ARFGEF3: variants seen among roughly 807,000 people sequenced by gnomAD.
ARFGEF3 encodes brefeldin A-inhibited guanine nucleotide-exchange protein 3.
ARFGEF3 carries 96 observed loss-of-function variants against 221.7 expected under a neutral mutation model. The ratio of observed to expected loss-of-function variants is 0.43; its 90% CI spans 0.37 to 0.51. The LOEUF (loss-of-function observed/expected upper bound fraction) is 0.51, where lower values mean the gene tolerates loss of function less well. ARFGEF3 is among the 20% of genes least tolerant of loss of function. The pLI is 0.00. For missense variants in ARFGEF3, 2,410 were observed against 2,789.9 expected, an observed-to-expected ratio of 0.86 and a Z score of 3.07; for synonymous variants, 1,145 against 1,126.8, an observed-to-expected ratio of 1.02 and a Z score of -0.32.
intron 32 of ARFGEF3, among the ~76,000 whole-genome samples, chr6:138,332,721 ATCACTGAATT>A (rs1463249374): frequency 6.6e-6 from 1 of 152,246 alleles, no homozygotes; most frequent in Non-Finnish European, 1.5e-5. Context: ...TATACTTAAT[ATCACTGAATT>A]GTGTACATCA....
chr6:138,292,439 G>A (rs1779429014), intron 19 of ARFGEF3, among the ~76,000 whole-genome samples: 1 of 152,172 alleles, frequency 6.6e-6, no homozygotes, highest in South Asian at 2.1e-4. Context: ...CTTGGAAAAT[G>A]GTAAAAATCC....
chr6:138,292,140 C>T, intron 19 of ARFGEF3, 87 bp downstream of exon 19: 1 of 1,149,348 alleles, frequency 8.7e-7, no homozygotes, highest in Non-Finnish European at 1.1e-6. Flanking sequence ...CCAGGGACGA[C>T]CCATTTGTTA....
rs370299291 is a variant in ARFGEF3, at chr6:138,263,435, G to A, written c.1952G>A (p.Arg651Gln). Reference sequence around the variant, plus strand: ...ACACCCCGGGACTGCCTAGGCCACCGGTCCCTGCGAACTGCCGCCCTGTCT... The same window carrying A: ...ACACCCCGGGACTGCCTAGGCCACCAGTCCCTGCGAACTGCCGCCCTGTCT... ...EQTPRDCLGH[R>Q]SLRTAALSLK... Residue 651 changes from arginine (R) to glutamine (Q), a missense_variant, in exon 12 of 34, where the codon CGG (arginine) becomes CAG (glutamine). Transcript: ENST00000251691. 9.3e-6 allele frequency: 15 copies of A among 1,613,806 alleles called. No individual in the cohort carries two copies. Among genetic ancestry groups the A allele is most frequent in the African/African-American group, 5.3e-5 (4 of 74,900 alleles).
chr6:138,308,396 G>A (rs964649514), intron 23 of ARFGEF3, among the ~76,000 whole-genome samples: 3 of 152,136 alleles, frequency 2.0e-5, no homozygotes, highest in Admixed American at 6.5e-5. Flanking sequence ...TGCCACCAAA[G>A]GTCTATCTAA....
chr6:138,298,785 G>A lies in ARFGEF3; in HGVS notation c.3828G>A (p.Gln1276=). 1 of 1,610,060 alleles carries A rather than the reference G, an allele frequency of 6.2e-7. No individual in the cohort carries two copies. ...LELCDEDVQD[Q]VVTSIGELVE... is the part of the protein sequence containing the mutation. ...TGTGTGATGAGGACGTCCAAGACCAGGTCAGTGTGACATGGTCATCAGCGT... is the reference window on the plus strand; with the variant it reads ...TGTGTGATGAGGACGTCCAAGACCAAGTCAGTGTGACATGGTCATCAGCGT... The change falls in exon 22 of 34, where the codon CAG becomes CAA. Residue 1276 remains glutamine, a splice_region_variant and synonymous_variant. Transcript: ENST00000251691.
rs895568411 is a variant in ARFGEF3, at chr6:138,319,707, A to C, written c.4479A>C (p.Pro1493=). 5.7e-6 allele frequency: 9 copies of C among 1,584,412 alleles called. No homozygotes were observed. Among genetic ancestry groups the C allele is most frequent in the African/African-American group, 4.1e-5 (3 of 73,192 alleles). Residue 1493 remains proline, a synonymous_variant, in exon 28 of 34, where the codon CCA becomes CCC. Transcript: ENST00000251691. The part of the protein sequence containing the change: ...LLRDVTKTPG[P]GFGIYAVVHL... ...ACGCTGACTTTTCTTTTTCAGGACC[A>C]GGGTTTGGTATCTATGCAGTGGTTC... is the stretch of plus-strand genomic sequence containing the variant.
chr6:138,202,583 C>T (rs2114486347), intron 2 of ARFGEF3, among the ~76,000 whole-genome samples: 1 of 151,572 alleles, frequency 6.6e-6, no homozygotes, highest in South Asian at 2.1e-4. Context: ...AACCATGTTA[C>T]TACTACAGTA....
At chr6:138,274,999 C>A (rs1443453523) in intron 12 of ARFGEF3, among the ~76,000 whole-genome samples, 1 of 151,216 alleles carries the variant, frequency 6.6e-6, no homozygotes, top group Non-Finnish European at 1.5e-5. Context: ...CCCAGCTACT[C>A]GGGAGGCTGA....
intron 4 of ARFGEF3, among the ~76,000 whole-genome samples, chr6:138,211,915 A>G (rs1777734986): frequency 6.6e-6 from 1 of 152,192 alleles, no homozygotes; most frequent in Non-Finnish European, 1.5e-5. Context: ...TGGACTCTCC[A>G]ATGACACCAT....
At chr6:138,253,211 A>G (rs911192779) in intron 8 of ARFGEF3, among the ~76,000 whole-genome samples, 1 of 152,202 alleles carries the variant, frequency 6.6e-6, no homozygotes, top group African/African-American at 2.4e-5. Flanking sequence ...TGGCAAGTGT[A>G]CTATACCAAT....
At chr6:138,229,218 A>G (rs1435566670) in intron 4 of ARFGEF3, among the ~76,000 whole-genome samples, 1 of 152,222 alleles carries the variant, frequency 6.6e-6, no homozygotes, top group East Asian at 1.9e-4. Flanking sequence ...ATAGAAAATG[A>G]CACTGACATT....
chr6:138,168,944 G>C (rs1433675507), intron 1 of ARFGEF3, among the ~76,000 whole-genome samples: 1 of 152,182 alleles, frequency 6.6e-6, no homozygotes, highest in Non-Finnish European at 1.5e-5. Context: ...CCAGGACCTG[G>C]TTCAGTGTTT....
At chr6:138,294,957 C>T (rs1455047147) in intron 20 of ARFGEF3, among the ~76,000 whole-genome samples, 1 of 152,168 alleles carries the variant, frequency 6.6e-6, no homozygotes, top group Non-Finnish European at 1.5e-5. Flanking sequence ...ACCCTTGCTG[C>T]AGATTTAGAT....
At chr6:138,225,569 G>A (rs1167526723) in intron 4 of ARFGEF3, among the ~76,000 whole-genome samples, 1 of 152,198 alleles carries the variant, frequency 6.6e-6, no homozygotes, top group South Asian at 2.1e-4. Flanking sequence ...GACGGTGCGA[G>A]TTTTTTTGAT....
chr6:138,305,494 C>T (rs1297283843), intron 22 of ARFGEF3, among the ~76,000 whole-genome samples: 1 of 151,286 alleles, frequency 6.6e-6, no homozygotes, highest in Non-Finnish European at 1.5e-5. Flanking sequence ...GCCTGTAGTC[C>T]CAGCTGCTTA....
At chr6:138,184,670 C>A (rs1011257119) in intron 2 of ARFGEF3, among the ~76,000 whole-genome samples, 1 of 152,182 alleles carries the variant, frequency 6.6e-6, no homozygotes, top group Non-Finnish European at 1.5e-5. Flanking sequence ...CTTAAGTGTT[C>A]TTTAAAATAA....
intron 2 of ARFGEF3, among the ~76,000 whole-genome samples, chr6:138,178,619 G>A (rs373714236): frequency 6.6e-6 from 1 of 152,142 alleles, no homozygotes; most frequent in African/African-American, 2.4e-5. Flanking sequence ...GCCTCAAGGA[G>A]CTCATCTAGA....
At chr6:138,251,399 A>T (rs1778580346) in intron 8 of ARFGEF3, among the ~76,000 whole-genome samples, 1 of 152,206 alleles carries the variant, frequency 6.6e-6, no homozygotes, top group South Asian at 2.1e-4. Context: ...ATTAACTGAG[A>T]CTACAGTGAA....
At chr6:138,225,040 C>A (rs1414090394) in intron 4 of ARFGEF3, among the ~76,000 whole-genome samples, 1 of 152,140 alleles carries the variant, frequency 6.6e-6, no homozygotes, top group Non-Finnish European at 1.5e-5. Context: ...ACCCAGGTTT[C>A]AAACACAGGT....
Sources: gnomAD v4.1 joint callset for allele counts (sites outside exome capture counted in the v4.1 genomes callset) on GRCh38, gnomAD v4.1.1 for gene constraint, MANE v1.5 for transcripts, NCBI Gene and HGNC (gene_info 2026-07-23, HGNC 2026-07-21) for gene names.